STARD13: variants seen among roughly 807,000 people sequenced by gnomAD.
STARD13 encodes the protein stAR-related lipid transfer protein 13.
STARD13 carries 62 observed loss-of-function variants against 106.4 expected under a neutral mutation model. The ratio of observed to expected loss-of-function variants is 0.58; its 90% CI spans 0.48 to 0.72. The LOEUF (loss-of-function observed/expected upper bound fraction) is 0.72, where lower values mean the gene tolerates loss of function less well. Ranked by LOEUF, STARD13 falls within the 30% of genes least tolerant of loss-of-function variation. The pLI is 0.00. For synonymous variants in STARD13, 565 were observed against 553.0 expected (o/e 1.02, Z -0.31); for missense variants, 1,387 against 1,424.0 (o/e 0.97, Z 0.42).
At chr13:33,523,811 A>G in the STARD13 span, among the ~76,000 whole-genome samples, 5 of 152,138 alleles carry the variant, frequency 3.3e-5, no homozygotes, top group African/African-American at 9.6e-5. Flanking sequence ...TGTTTTCTAG[A>G]TGTGATTCCC....
chr13:33,364,335 T>C, the STARD13 span, among the ~76,000 whole-genome samples: 1 of 152,106 alleles, frequency 6.6e-6, no homozygotes, highest in Non-Finnish European at 1.5e-5. Context: ...AATAAAATCT[T>C]TACTCCACTC....
the STARD13 span, among the ~76,000 whole-genome samples, chr13:33,403,290 T>A: frequency 6.6e-6 from 1 of 152,244 alleles, no homozygotes; most frequent in South Asian, 2.1e-4. Flanking sequence ...GGCTTGCTTC[T>A]TTGTGAGCTG....
intron 1 of STARD13, among the ~76,000 whole-genome samples, chr13:33,317,747 G>A (rs768320117): frequency 1.3e-5 from 2 of 152,030 alleles, no homozygotes; most frequent in Non-Finnish European, 2.9e-5. Context: ...CTTATTATCT[G>A]TGTCCCCAGG....
chr13:33,514,068 T>C, the STARD13 span, among the ~76,000 whole-genome samples: 1 of 152,200 alleles, frequency 6.6e-6, no homozygotes, highest in Non-Finnish European at 1.5e-5. Flanking sequence ...AACCCATTGA[T>C]ATTTATGGAA....
the STARD13 span, among the ~76,000 whole-genome samples, chr13:33,512,036 A>C: frequency 6.6e-6 from 1 of 152,192 alleles, no homozygotes; most frequent in Admixed American, 6.5e-5. Context: ...TGAAATAAGG[A>C]AGGAGACACA....
the STARD13 span, among the ~76,000 whole-genome samples, chr13:33,491,455 T>C: frequency 6.6e-6 from 1 of 152,224 alleles, no homozygotes; most frequent in Non-Finnish European, 1.5e-5. Context: ...TTTCTTTGTT[T>C]TTTTCTTTTT....
the STARD13 span, among the ~76,000 whole-genome samples, chr13:33,621,563 C>T: frequency 6.6e-6 from 1 of 150,854 alleles, no homozygotes; most frequent in African/African-American, 2.4e-5. Context: ...GCCTGTAGTC[C>T]CAGCTACTCG....
chr13:33,417,681 T>C, the STARD13 span, among the ~76,000 whole-genome samples: 2 of 152,168 alleles, frequency 1.3e-5, no homozygotes, highest in Non-Finnish European at 2.9e-5. Flanking sequence ...CCACATACTG[T>C]ACGATCCTGT....
At chr13:33,413,789 T>C in the STARD13 span, among the ~76,000 whole-genome samples, 2 of 152,206 alleles carry the variant, frequency 1.3e-5, no homozygotes, top group East Asian at 3.9e-4. Context: ...CCCAGCACTT[T>C]GGGAGGTCGA....
At chr13:33,154,854 C>T (rs771006283) in intron 3 of STARD13, among the ~76,000 whole-genome samples, 12 of 152,174 alleles carry the variant, frequency 7.9e-5, no homozygotes, top group Non-Finnish European at 1.3e-4. Context: ...GAACTGAAGG[C>T]TGAGCAAAGC....
downstream of STARD13, among the ~76,000 whole-genome samples, chr13:33,347,179 G>A (rs949144193): frequency 1.6e-4 from 25 of 152,172 alleles, no homozygotes; most frequent in Admixed American, 6.5e-4. Flanking sequence ...ATGATGAACT[G>A]GACTGCATAT....
the STARD13 span, among the ~76,000 whole-genome samples, chr13:33,651,966 G>T: frequency 2.0e-5 from 3 of 152,198 alleles, no homozygotes; most frequent in African/African-American, 7.2e-5. Context: ...ATCAACAAGT[G>T]ACTTGAATGA....
At chr13:33,112,976 AAG>A in intron 8 of STARD13, 45 bp from the exon 9 acceptor site, 1 of 1,484,828 alleles carries the variant, frequency 6.7e-7, no homozygotes, top group Non-Finnish European at 9.2e-7. Flanking sequence ...CAGACATAGA[AAG>A]AGCCAGCTGG....
chr13:33,499,845 G>C, the STARD13 span, among the ~76,000 whole-genome samples: 1 of 141,932 alleles, frequency 7.0e-6, no homozygotes, highest in African/African-American at 2.6e-5. Flanking sequence ...GCTCACTGCA[G>C]CCTCAAACTT....
the STARD13 span, among the ~76,000 whole-genome samples, chr13:33,630,505 G>C: frequency 6.6e-6 from 1 of 152,152 alleles, no homozygotes; most frequent in Non-Finnish European, 1.5e-5. Flanking sequence ...TGCGTACCTT[G>C]CGTGCAGAGA....
the STARD13 span, among the ~76,000 whole-genome samples, chr13:33,571,646 A>G: frequency 6.6e-6 from 1 of 152,184 alleles, no homozygotes; most frequent in South Asian, 2.1e-4. Flanking sequence ...AGAAACTTGA[A>G]CAGTTTCTAA....
chr13:33,395,848 A>G, the STARD13 span, among the ~76,000 whole-genome samples: 1 of 152,136 alleles, frequency 6.6e-6, no homozygotes, highest in East Asian at 1.9e-4. Context: ...TTATTTATTT[A>G]TTTGTATTTT....
intron 1 of STARD13, among the ~76,000 whole-genome samples, chr13:33,275,137 TG>T (rs1222901082): frequency 6.6e-6 from 1 of 152,176 alleles, no homozygotes; most frequent in Non-Finnish European, 1.5e-5. Context: ...AGAGAGCAAC[TG>T]GTGTCCACAG....
the STARD13 span, among the ~76,000 whole-genome samples, chr13:33,644,438 G>A: frequency 2.6e-5 from 4 of 151,564 alleles, no homozygotes; most frequent in East Asian, 3.8e-4. Flanking sequence ...CCCGAATGCC[G>A]GGAAAATGAA....
Sources: gnomAD v4.1 joint callset for allele counts (sites outside exome capture counted in the v4.1 genomes callset) on GRCh38, gnomAD v4.1.1 for gene constraint, MANE v1.5 for transcripts, NCBI Gene and HGNC (gene_info 2026-07-23, HGNC 2026-07-21) for gene names.